MLIP: variants seen among roughly 807,000 people sequenced by gnomAD.
The protein encoded by MLIP is muscular LMNA-interacting protein.
MLIP carries 79 observed loss-of-function variants against 84.8 expected under a neutral mutation model. That is an observed-to-expected ratio of 0.93 (90% CI 0.78 to 1.12). The LOEUF is 1.12. Among genes scored for constraint, MLIP ranks in the 50% most tolerant of loss-of-function variants. The pLI, the probability that MLIP is intolerant of heterozygous loss-of-function variation, is 0.00. For missense variants in MLIP, 1,257 were observed against 1,160.6 expected (o/e 1.08, Z -1.21); for synonymous variants, 504 against 463.0 (o/e 1.09, Z -1.14).
intron 11 of MLIP, among the ~76,000 whole-genome samples, chr6:54,206,777 CTTT>C (rs1779060580): frequency 6.6e-6 from 1 of 152,136 alleles, no homozygotes; most frequent in South Asian, 2.1e-4. Flanking sequence ...AACTTCCCTT[CTTT>C]ATGTCACCCA....
chr6:54,111,309 A>C (rs911674692), upstream of MLIP: 14 of 1,209,310 alleles, frequency 1.2e-5, no homozygotes, highest in South Asian at 1.8e-4. Flanking sequence ...AAAATTGTCA[A>C]AACAGAAATC....
intron 1 of MLIP, among the ~76,000 whole-genome samples, chr6:54,117,998 A>G (rs1770106664): frequency 6.6e-6 from 1 of 151,598 alleles, no homozygotes; most frequent in African/African-American, 2.4e-5. Context: ...CAACAACAAA[A>G]ATCATTGATG....
intron 11 of MLIP, chr6:54,217,190 G>A (rs1010659614): frequency 5.1e-6 from 5 of 985,386 alleles, no homozygotes; most frequent in Non-Finnish European, 6.0e-6. Context: ...ACAGAAAACC[G>A]CAGCGTGAAG....
intron 4 of MLIP, among the ~76,000 whole-genome samples, chr6:54,145,509 C>T (rs543101073): frequency 1.4e-4 from 22 of 152,058 alleles, no homozygotes; most frequent in South Asian, 4.2e-4. Flanking sequence ...TGGTGGCTCA[C>T]GCCTGTAATC....
At chr6:54,049,460 A>G (rs1226277420) in intron 1 of MLIP, among the ~76,000 whole-genome samples, 1 of 152,210 alleles carries the variant, frequency 6.6e-6, no homozygotes, top group African/African-American at 2.4e-5. Flanking sequence ...ATACTGACAC[A>G]AATGCTAGAT....
intron 1 of MLIP, among the ~76,000 whole-genome samples, chr6:54,101,680 A>G (rs567670288): frequency 6.6e-6 from 1 of 152,076 alleles, no homozygotes; most frequent in African/African-American, 2.4e-5. Flanking sequence ...TTGTTTGCTA[A>G]CTACTTATGG....
At chr6:54,213,794 T>G (rs899979830) in intron 11 of MLIP, among the ~76,000 whole-genome samples, 2 of 25,348 alleles carry the variant, frequency 7.9e-5, no homozygotes, top group Non-Finnish European at 6.9e-4. Flanking sequence ...AAAAAAAAGT[T>G]TTTTTTTAAT....
At chr6:54,209,670 A>G (rs926283952) in intron 11 of MLIP, among the ~76,000 whole-genome samples, 8 of 145,970 alleles carry the variant, frequency 5.5e-5, no homozygotes, top group Non-Finnish European at 9.1e-5. Context: ...TAGGAAGGGC[A>G]GCATGTCCTC....
In MLIP at chr6:54,213,734, A is replaced by AAC. The variant is rs1554185767; in HGVS notation, c.2718+11502_2718+11503insCA. ...AAAAAAAAAAAAAAAAAAAAAAAAA[A>AAC]AACAACAAACAGCATATCTTGTATG... On this transcript the variant is annotated intron_variant, in intron 11 of 13. Transcript: ENST00000502396. Among the ~76,000 whole-genome samples the AAC allele has an allele frequency of 9.3e-3, 762 of 82,342 alleles. 127 individuals are homozygous for AAC. The highest frequency in any genetic ancestry group is 0.02 in the African/African-American group (452 of 22,284). The allele number at this position is 82,342 out of a possible 152,430, so 54.0% of individuals were successfully genotyped here.
rs540259995 is a variant in MLIP, at chr6:54,192,364, T to A, written c.2589+2450T>A. On this transcript the variant is annotated intron_variant, in intron 10 of 13. Transcript: ENST00000502396. ...CAATAATTTTGGTTTCTATTTCATG[T>A]CGTTAGCCCTGTGTTTATATTAATA... 1.1e-4 allele frequency among the ~76,000 whole-genome samples: 17 copies of A among 152,170 alleles called. No homozygotes were observed. In the East Asian group the frequency reaches 3.1e-3, roughly 28 times the overall value.
intron 8 of MLIP, among the ~76,000 whole-genome samples, chr6:54,161,063 C>T (rs959041756): frequency 6.6e-6 from 1 of 151,494 alleles, no homozygotes; most frequent in African/African-American, 2.4e-5. Context: ...TCTGTGGGTC[C>T]AGTTCAAAAC....
chr6:54,153,436 G>GGACT (rs1773672057), intron 5 of MLIP, among the ~76,000 whole-genome samples: 1 of 151,808 alleles, frequency 6.6e-6, no homozygotes, highest in African/African-American at 2.4e-5. Context: ...TGAGTAGCTG[G>GGACT]GACTACAGGT....
In MLIP at chr6:54,160,534, C is replaced by T. The variant is rs1561998267; in HGVS notation, c.2374C>T (p.Leu792Phe). 2 of 1,612,584 alleles carry T rather than the reference C, an allele frequency of 1.2e-6. No individual in the cohort carries two copies. Among genetic ancestry groups the T allele is most frequent in the Admixed American group, 3.3e-5 (2 of 59,824 alleles). ...PPVELYFPAQ[L>F]RQQTEELCAT... is the part of the protein sequence containing the mutation. ...CTTCCAGCTCTATTTTCCTGCACAG[C>T]TCAGGCAGCAAACTGAAGAGCTCTG... Residue 792 changes from leucine (L) to phenylalanine (F), a missense_variant, in exon 7 of 14, where the codon CTC (leucine) becomes TTC (phenylalanine). By Grantham distance (22) the Leu-to-Phe change is conservative (BLOSUM62 0). Transcript: ENST00000502396.
chr6:54,040,011 G>A (rs1764653727), intron 1 of MLIP, among the ~76,000 whole-genome samples: 1 of 152,016 alleles, frequency 6.6e-6, no homozygotes, highest in Non-Finnish European at 1.5e-5. Context: ...ACAGGTACTT[G>A]TTAACAGGAC....
chr6:54,124,451 T>G (rs1490738716), intron 2 of MLIP, 22 bp from the exon 3 acceptor site: 1 of 1,580,036 alleles, frequency 6.3e-7, no homozygotes, highest in East Asian at 2.3e-5. Flanking sequence ...TCAATGCTTT[T>G]ATCTCTCTAC....
At chr6:54,215,147 A>G (rs1188874118) in intron 11 of MLIP, 13 of 1,535,228 alleles carry the variant, frequency 8.5e-6, no homozygotes, top group Middle Eastern at 1.7e-4. Context: ...CAGGCTGCAC[A>G]TTCTGTGGAC....
intron 12 of MLIP, among the ~76,000 whole-genome samples, chr6:54,240,644 G>A (rs967709990): frequency 6.6e-6 from 1 of 152,110 alleles, no homozygotes; most frequent in Non-Finnish European, 1.5e-5. Context: ...ACTCAGATTG[G>A]GCTGTTTGCT....
intron 1 of MLIP, among the ~76,000 whole-genome samples, chr6:54,078,822 G>C (rs1321709914): frequency 1.3e-5 from 2 of 150,626 alleles, no homozygotes; most frequent in Admixed American, 1.3e-4. Flanking sequence ...CTCCCAAATA[G>C]ATGGGATTAT....
chr6:54,124,700 C>T lies in MLIP; in HGVS notation c.480C>T (p.Gly160=), dbSNP rs148148867. ...DEAASRKVEQ[G]PPGGIGTAAV... is the part of the protein sequence containing the mutation. ...CTGCAAGCAGAAAAGTTGAACAAGG[C>T]CCCCCAGGGGGGATTGGCACCGCAG... The change falls in exon 3 of 14, where the codon GGC becomes GGT. Residue 160 remains glycine, a synonymous_variant. Coordinates refer to ENST00000502396, the MANE Select transcript of MLIP (RefSeq NM_001281747.2). The T allele has an allele frequency of 3.5e-5, 56 of 1,614,016 alleles. No individual in the cohort carries two copies. Among genetic ancestry groups the T allele is most frequent in the Non-Finnish European group, 4.6e-5 (54 of 1,180,020 alleles).
Sources: gnomAD v4.1 joint callset for allele counts (sites outside exome capture counted in the v4.1 genomes callset) on GRCh38, gnomAD v4.1.1 for gene constraint, MANE v1.5 for transcripts, NCBI Gene and HGNC (gene_info 2026-07-23, HGNC 2026-07-21) for gene names.